The following ADAMTSL3 variants were observed in gnomAD, a reference collection of about 807,000 sequenced individuals.
ADAMTSL3 encodes the protein ADAMTS like 3, also known as ADAMTS-like protein 3.
ADAMTSL3 carries 128 observed loss-of-function variants against 201.7 expected under a neutral mutation model. The observed-to-expected ratio is 0.63, with a 90% CI of 0.55 to 0.73. The LOEUF (loss-of-function observed/expected upper bound fraction) is 0.73. ADAMTSL3 is among the 30% of genes least tolerant of loss of function. The pLI, the probability that ADAMTSL3 is intolerant of heterozygous loss-of-function variation, is 0.00. For synonymous variants in ADAMTSL3, 738 were observed against 748.4 expected (o/e 0.99, Z 0.23); for missense variants, 1,990 against 2,119.6 (o/e 0.94, Z 1.20).
Position 83,983,195 on chromosome 15 carries a change from A to T in ADAMTSL3, c.3567A>T (p.Ser1189=). 1 of 1,614,078 alleles carries T rather than the reference A, an allele frequency of 6.2e-7. No individual in the cohort carries two copies. Among genetic ancestry groups the T allele is most frequent in the Non-Finnish European group, 8.5e-7 (1 of 1,180,000 alleles). The stretch of plus-strand genomic sequence containing the variant: ...GGCAAAGCCAACCTCCCTCAATTTC[A>T]TTTAATAAAACAATAAATTCCAGGA... ...LMRQSQPPSI[S]FNKTINSRIG... The change falls in exon 21 of 30, where the codon TCA becomes TCT. Residue 1189 remains serine (S), a synonymous_variant. Coordinates refer to ENST00000286744, the MANE Select transcript of ADAMTSL3 (RefSeq NM_207517.3).
intron 19 of ADAMTSL3, among the ~76,000 whole-genome samples, chr15:83,948,065 T>G (rs2066688316): frequency 6.6e-6 from 1 of 152,194 alleles, no homozygotes; most frequent in Middle Eastern, 3.2e-3. Flanking sequence ...ATATCTAATA[T>G]GCTAAGTAAA....
At chr15:83,995,444 G>T (rs2067669798) in intron 23 of ADAMTSL3, among the ~76,000 whole-genome samples, 1 of 152,132 alleles carries the variant, frequency 6.6e-6, no homozygotes, top group Non-Finnish European at 1.5e-5. Context: ...TTAATGGTGA[G>T]ACTCAAACAG....
At chr15:83,819,698 C>T (rs2063827749) in intron 5 of ADAMTSL3, 113 bp from the exon 6 acceptor site, 3 of 814,520 alleles carry the variant, frequency 3.7e-6, no homozygotes, top group East Asian at 2.4e-5. Flanking sequence ...TAGGTGACTC[C>T]CAGAGAGAGG....
intron 19 of ADAMTSL3, among the ~76,000 whole-genome samples, chr15:83,969,934 A>G (rs969231636): frequency 1.2e-4 from 18 of 152,196 alleles, no homozygotes; most frequent in African/African-American, 3.9e-4. Flanking sequence ...ACAAAAAACA[A>G]AAGGGAACTT....
At position 83,901,148 on chromosome 15, in the gene ADAMTSL3, A is replaced by G. The variant is rs145711037; in HGVS notation, c.1700+1417A>G. On this transcript the variant is annotated intron_variant, in intron 15 of 29. Transcript: ENST00000286744. ...ACGTGGACCACTGTCAGTGCTGGCT[A>G]TGACCACAGAAGAAACTGTGGACCA... Among the ~76,000 whole-genome samples the G allele has an allele frequency of 5.2e-3, 799 of 152,314 alleles. 8 individuals carry two copies. The highest frequency in any genetic ancestry group is 8.1e-3 in the Non-Finnish European group (549 of 68,032).
chr15:83,682,020 A>C (rs573660748), intron 2 of ADAMTSL3, among the ~76,000 whole-genome samples: 2 of 152,074 alleles, frequency 1.3e-5, no homozygotes, highest in African/African-American at 4.8e-5. Flanking sequence ...CAATTTCAGA[A>C]CTATTTTTGA....
chr15:83,695,994 T>C (rs915786585), intron 2 of ADAMTSL3, among the ~76,000 whole-genome samples: 3 of 152,164 alleles, frequency 2.0e-5, no homozygotes, highest in African/African-American at 7.2e-5. Context: ...TCATGGGCCT[T>C]GGAAGCTACA....
intron 20 of ADAMTSL3, among the ~76,000 whole-genome samples, chr15:83,980,169 A>G (rs989655732): frequency 6.6e-6 from 1 of 152,122 alleles, no homozygotes; most frequent in Non-Finnish European, 1.5e-5. Flanking sequence ...TGGTCAGAAA[A>G]AAAAGAATTA....
chr15:83,714,936 T>C (rs111777353), intron 3 of ADAMTSL3, among the ~76,000 whole-genome samples: 20,486 of 127,028 alleles, frequency 0.16, 2,035 homozygotes, highest in South Asian at 0.27. Context: ...CTTCCTTCCT[T>C]CCATCCTTCT....
intron 4 of ADAMTSL3, among the ~76,000 whole-genome samples, chr15:83,796,792 C>A (rs1020855313): frequency 6.6e-6 from 1 of 152,080 alleles, no homozygotes; most frequent in Non-Finnish European, 1.5e-5. Flanking sequence ...GAAAGTGGCC[C>A]TGTAAATCAG....
At chr15:84,019,856 A>C (rs1383013991) in intron 25 of ADAMTSL3, among the ~76,000 whole-genome samples, 1 of 145,372 alleles carries the variant, frequency 6.9e-6, no homozygotes, top group Admixed American at 7.2e-5. Context: ...TCATGCCACC[A>C]CACTCCAGCC....
intron 19 of ADAMTSL3, among the ~76,000 whole-genome samples, chr15:83,969,318 C>T (rs912269772): frequency 5.9e-5 from 9 of 152,070 alleles, no homozygotes; most frequent in African/African-American, 2.2e-4. Context: ...GTGGTGGGCG[C>T]CTGAAATCCC....
chr15:83,921,939 A>T (rs1183291736), intron 16 of ADAMTSL3, among the ~76,000 whole-genome samples: 1 of 152,050 alleles, frequency 6.6e-6, no homozygotes, highest in African/African-American at 2.4e-5. Flanking sequence ...AGGCACTTTC[A>T]TGATAACACT....
intron 15 of ADAMTSL3, among the ~76,000 whole-genome samples, chr15:83,906,622 CCACACACACACACACACACACACACA>C (rs1157198460): frequency 6.3e-5 from 5 of 79,036 alleles, no homozygotes; most frequent in South Asian, 4.4e-4. Flanking sequence ...GTGCCACACA[CCACACACACACACACACACACACACA>C]CACACACACA....
Position 83,892,828 on chromosome 15 carries a change from G to C in ADAMTSL3, c.1407G>C (p.Lys469Asn), listed in dbSNP as rs2065537866. Residue 469 changes from lysine (K) to asparagine (N), a missense_variant, in exon 13 of 30, where the codon AAG (lysine) becomes AAC (asparagine). Coordinates refer to ENST00000286744, the MANE Select transcript of ADAMTSL3 (RefSeq NM_207517.3). ...AGTGCATGTACGCACCCAAACCCAA[G>C]GTTATGCAAACTTGTAATCTGTTTG... is the stretch of plus-strand genomic sequence containing the variant. ...EWKCMYAPKP[K>N]VMQTCNLFDC... 2.5e-6 allele frequency: 4 copies of C among 1,613,910 alleles called. No individual in the cohort carries two copies. The South Asian group carries it at 4.4e-5, about 18-fold the overall frequency.
At position 83,760,976 on chromosome 15, in the gene ADAMTSL3, T is replaced by C. The variant is rs1391522134; in HGVS notation, c.190-12547T>C. On this transcript the variant is annotated intron_variant, in intron 3 of 29. Coordinates refer to ENST00000286744, the MANE Select transcript of ADAMTSL3 (RefSeq NM_207517.3). ...GTTTAATGTAATTGATATATGTGCA[T>C]TTAAATCTTCCATTTTACTCTGAGC... 2.0e-5 allele frequency among the ~76,000 whole-genome samples: 3 copies of C among 152,200 alleles called. No individual in the cohort carries two copies. In the East Asian group the frequency reaches 5.8e-4, roughly 29 times the overall value.
rs1295542287 is a variant in ADAMTSL3, at chr15:83,654,149, T to A, written c.-161T>A. On this transcript the variant is annotated 5_prime_UTR_variant, in exon 1 of 30. Coordinates refer to ENST00000286744, the MANE Select transcript of ADAMTSL3 (RefSeq NM_207517.3). This position sits in a 1 kb window ranked among gnomAD's most constrained non-coding sequence, Gnocchi z 5.3. ...CGGCGCCGCGGGCTGGAGGCCGGCGTCGGGGAAGGTCCTGGTGCCGGATTC... is the reference window on the plus strand; with the variant it reads ...CGGCGCCGCGGGCTGGAGGCCGGCGACGGGGAAGGTCCTGGTGCCGGATTC... 2 of 151,280 alleles carry A rather than the reference T, an allele frequency of 1.3e-5. No homozygotes were observed. Among genetic ancestry groups the A allele is most frequent in the East Asian group, 4.0e-4 (2 of 5,060 alleles). 9.4% of individuals were successfully genotyped at this position (151,280 alleles called of 1,614,324 possible).
intron 2 of ADAMTSL3, among the ~76,000 whole-genome samples, chr15:83,672,125 C>T (rs564473974): frequency 6.6e-6 from 1 of 152,170 alleles, no homozygotes; most frequent in South Asian, 2.1e-4. Flanking sequence ...ACCCTGTCAC[C>T]CTTAAATCCA....
At chr15:83,753,234 C>T (rs899068219) in intron 3 of ADAMTSL3, among the ~76,000 whole-genome samples, 2 of 152,172 alleles carry the variant, frequency 1.3e-5, no homozygotes, top group Admixed American at 1.3e-4. Flanking sequence ...GGGACACTCA[C>T]CTACCATTTT....
Sources: gnomAD v4.1 joint callset for allele counts (sites outside exome capture counted in the v4.1 genomes callset) on GRCh38, gnomAD v4.1.1 for gene constraint, Gnocchi (gnomAD v3.1) non-coding constraint, MANE v1.5 for transcripts, NCBI Gene and HGNC (gene_info 2026-07-23, HGNC 2026-07-21) for gene names.